Variants in USP34 observed in about 807,000 individuals in gnomAD.
USP34 encodes ubiquitin specific peptidase 34.
In USP34, 70 loss-of-function variants were observed where a neutral mutation model predicts 460.3. The observed-to-expected ratio is 0.15, with a 90% CI of 0.13 to 0.19. The LOEUF (loss-of-function observed/expected upper bound fraction) is 0.19. USP34 is among the 10% of genes least tolerant of loss of function. The pLI, the probability that USP34 is intolerant of heterozygous loss-of-function variation, is 1.00. For synonymous variants in USP34, 1,647 were observed against 1,405.3 expected (o/e 1.17, Z -3.85); for missense variants, 3,985 against 4,236.2 (o/e 0.94, Z 1.65).
chr2:61,361,389 TC>T (rs1692271451), intron 10 of USP34, among the ~76,000 whole-genome samples: 1 of 152,152 alleles, frequency 6.6e-6, no homozygotes, highest in Admixed American at 6.5e-5. Flanking sequence ...ACCACTGCAC[TC>T]CAACCTGGAC....
chr2:61,276,851 T>C (rs1689388082), intron 41 of USP34, among the ~76,000 whole-genome samples: 1 of 152,180 alleles, frequency 6.6e-6, no homozygotes, highest in African/African-American at 2.4e-5. Context: ...CTTAAGTTGA[T>C]CTCAAGAATC....
intron 7 of USP34, among the ~76,000 whole-genome samples, chr2:61,378,912 C>CAA (rs1491197501): frequency 1.9e-3 from 16 of 8,632 alleles, no homozygotes; most frequent in African/African-American, 6.3e-3. Flanking sequence ...CTCAAAAAAA[C>CAA]GAAAAAAAAA....
rs1327437554 is a variant in USP34, at chr2:61,214,369, T to C, written c.8373A>G (p.Ala2791=). The C allele has an allele frequency of 6.2e-7, 1 of 1,614,236 alleles. No homozygotes were observed. The highest frequency in any genetic ancestry group is 8.5e-7 in the Non-Finnish European group (1 of 1,180,042). ...NLFQPKLSEP[A]IATNHNKQAL... is the part of the protein sequence containing the mutation. ...CCTGTTTATTGTGATTTGTAGCTAT[T>C]GCTGGCTCAGAAAGTTTAGGCTGGA... Residue 2791 remains alanine, a synonymous_variant, in exon 68 of 80, where the codon GCA becomes GCG. Transcript: ENST00000398571.
chr2:61,275,814 T>C (rs1689356570), intron 41 of USP34, among the ~76,000 whole-genome samples: 1 of 152,158 alleles, frequency 6.6e-6, no homozygotes, highest in Admixed American at 6.5e-5. Context: ...ATGCCTCAGT[T>C]TCATCATCTG....
In USP34 at chr2:61,348,796, T is replaced by C. The variant is rs778903312; in HGVS notation, c.1634A>G (p.Asn545Ser). 5 of 1,613,884 alleles carry C rather than the reference T, an allele frequency of 3.1e-6. No homozygotes were observed. The South Asian group carries it at 4.4e-5, about 14-fold the overall frequency. Residue 545 changes from asparagine (N) to serine (S), a missense_variant, in exon 14 of 80, where the codon AAT becomes AGT. Asn to Ser is a conservative substitution (Grantham distance 46). Coordinates refer to ENST00000398571, the MANE Select transcript of USP34 (RefSeq NM_014709.4). ...SDIEMDEQLI[N>S]RTKHVQQRLS... is the part of the protein sequence containing the mutation. ...TCGTTGTTGCACATGTTTGGTTCTA[T>C]TAATAAGTTGCTCATCCATTTCAAT...
chr2:61,281,064 T>A (rs781127708), intron 38 of USP34, 26 bp downstream of exon 38: 18 of 1,594,284 alleles, frequency 1.1e-5, no homozygotes, highest in Non-Finnish European at 1.5e-5. Flanking sequence ...AAATAGAAAC[T>A]GCTTCTAAAC....
chr2:61,387,985 G>A (rs1361655330), intron 5 of USP34, among the ~76,000 whole-genome samples: 2 of 143,994 alleles, frequency 1.4e-5, no homozygotes, highest in African/African-American at 5.2e-5. Flanking sequence ...ATAAAAAAAA[G>A]GCCAGGTGGA....
At chr2:61,309,020 G>A (rs771035773) in intron 27 of USP34, among the ~76,000 whole-genome samples, 6 of 151,930 alleles carry the variant, frequency 3.9e-5, no homozygotes, top group Non-Finnish European at 8.8e-5. Flanking sequence ...GGGTGACAGA[G>A]GGAGACTATC....
At chr2:61,380,455 AT>A in intron 6 of USP34, 94 bp from the exon 7 acceptor site, 2 of 1,317,834 alleles carry the variant, frequency 1.5e-6, no homozygotes, top group East Asian at 2.5e-5. Context: ...AAGCATTAAC[AT>A]TTTTTGTGTC....
At chr2:61,458,806 G>A (rs1170955631) in intron 1 of USP34, among the ~76,000 whole-genome samples, 1 of 151,678 alleles carries the variant, frequency 6.6e-6, no homozygotes, top group African/African-American at 2.4e-5. Context: ...AGTGGCTCAC[G>A]CCTGTAATCC....
chr2:61,256,588 T>A (rs1688730227), intron 47 of USP34, 110 bp from the exon 48 acceptor site: 2 of 825,244 alleles, frequency 2.4e-6, no homozygotes, highest in Admixed American at 3.8e-5. Flanking sequence ...AAATTTTTTT[T>A]TTAAAAGTGA....
Position 61,361,919 on chromosome 2 carries a change from G to C in USP34, c.1251+8402C>G, listed in dbSNP as rs545565184. Among the ~76,000 whole-genome samples, 3 of 151,704 alleles carry C rather than the reference G, an allele frequency of 2.0e-5. No individual in the cohort carries two copies. The East Asian group carries it at 5.8e-4, about 29-fold the overall frequency. On this transcript the variant is annotated intron_variant, in intron 10 of 79. Transcript: ENST00000398571. ...TATTTACAAACCATGTATTGATTAG[G>C]GGTTAATATCCAGAATATTTAAGAA...
rs532143958 is a variant in USP34 at position 61,326,451 on chromosome 2, C to T, written c.2931-994G>A. On this transcript the variant is annotated intron_variant, in intron 20 of 79. Coordinates refer to ENST00000398571, the MANE Select transcript of USP34 (RefSeq NM_014709.4). Reference sequence around the variant, plus strand: ...ACCATGTTGGCCAGGCTGTCTCAAACTCCTGACCTCAAGTGATCTGCCTGC... The same window carrying T: ...ACCATGTTGGCCAGGCTGTCTCAAATTCCTGACCTCAAGTGATCTGCCTGC... 9.9e-5 allele frequency among the ~76,000 whole-genome samples: 15 copies of T among 152,276 alleles called. No homozygotes were observed. The South Asian group carries it at 2.1e-3, about 21-fold the overall frequency.
At chr2:61,357,408 G>C (rs1692140225) in intron 10 of USP34, among the ~76,000 whole-genome samples, 1 of 151,896 alleles carries the variant, frequency 6.6e-6, no homozygotes, top group African/African-American at 2.4e-5. Context: ...ATAGAATGCA[G>C]AAAGAACAAT....
chr2:61,418,595 T>C (rs1396849263), intron 2 of USP34, among the ~76,000 whole-genome samples: 1 of 152,250 alleles, frequency 6.6e-6, no homozygotes, highest in Non-Finnish European at 1.5e-5. Context: ...GAATGCATTT[T>C]GCAGATTATC....
chr2:61,257,433 A>T, intron 44 of USP34, 83 bp from the exon 45 acceptor site: 1 of 1,149,016 alleles, frequency 8.7e-7, no homozygotes. Flanking sequence ...TAACAAAAAC[A>T]AAAGAACAGG....
intron 1 of USP34, among the ~76,000 whole-genome samples, chr2:61,429,451 AATAAAATAAG>A (rs1011661328): frequency 6.6e-6 from 1 of 152,162 alleles, no homozygotes; most frequent in African/African-American, 2.4e-5. Flanking sequence ...CGTCTCAAAA[AATAAAATAAG>A]ATAAAATAAA....
chr2:61,283,157 G>A lies in USP34; in HGVS notation c.4986C>T (p.Leu1662=), dbSNP rs756021197. 9 of 1,612,994 alleles carry A rather than the reference G, an allele frequency of 5.6e-6. No homozygotes were observed. Among genetic ancestry groups the A allele is most frequent in the South Asian group, 3.3e-5 (3 of 90,976 alleles). ...HLQDWLKKLT[L]LIPETAVRHE... ...ATCTTTATCTTACCTCAGGAATAAGGAGAGTCAATTTCTTTAGCCAATCTT... is the reference window on the plus strand; with the variant it reads ...ATCTTTATCTTACCTCAGGAATAAGAAGAGTCAATTTCTTTAGCCAATCTT... Residue 1662 remains leucine (L), a synonymous_variant, in exon 37 of 80, where the codon CTC becomes CTT. Transcript: ENST00000398571.
chr2:61,265,215 T>C, intron 43 of USP34, 182 bp downstream of exon 43: 1 of 647,042 alleles, frequency 1.5e-6, no homozygotes, highest in East Asian at 2.9e-5. Context: ...TACTACAGCA[T>C]TATGAGTAAT....
Sources: allele counts gnomAD v4.1 joint callset (sites outside exome capture counted in the v4.1 genomes callset), GRCh38; gene constraint gnomAD v4.1.1; transcripts MANE v1.5; gene names NCBI Gene and HGNC (gene_info 2026-07-23, HGNC 2026-07-21).